Variants in IKBKE observed in about 807,000 individuals in gnomAD.
The protein encoded by IKBKE is inhibitor of nuclear factor kappa-B kinase subunit epsilon.
In IKBKE, 45 loss-of-function variants were observed where a neutral mutation model predicts 92.1. The observed-to-expected ratio is 0.49, with a 90% CI of 0.38 to 0.63. The LOEUF (loss-of-function observed/expected upper bound fraction) is 0.63, where lower values mean the gene tolerates loss of function less well. Among genes scored for constraint, IKBKE ranks in the 20% least tolerant of loss-of-function variants. IKBKE has a pLI of 0.00. For missense variants in IKBKE, 700 were observed against 932.8 expected (o/e 0.75, Z 3.25); for synonymous variants, 374 against 380.3 (o/e 0.98, Z 0.19).
At chr1:206,482,763 G>A (rs932919450) in intron 13 of IKBKE, among the ~76,000 whole-genome samples, 3 of 152,158 alleles carry the variant, frequency 2.0e-5, no homozygotes, top group African/African-American at 4.8e-5. Context: ...TGATCTCTGC[G>A]GCCTCCCAGC....
Position 206,492,874 on chromosome 1 carries a change from G to A in IKBKE, c.1836-149G>A, listed in dbSNP as rs1297221847. 4.1e-6 allele frequency: 3 copies of A among 736,822 alleles called. No individual in the cohort carries two copies. In the African/African-American group the frequency reaches 5.2e-5, roughly 13 times the overall value. The allele number at this position is 736,822 out of a possible 1,614,324, so 45.6% of individuals were successfully genotyped here. ...TATTGCAGTGGGGCGGGCAAGCGTG[G>A]AGGGCACAGCTGGCAGGGCAGAGGC... On this transcript the variant is annotated intron_variant, in intron 18 of 21. Transcript: ENST00000581977.
chr1:206,478,733 C>T lies in IKBKE; in HGVS notation c.993-210C>T, dbSNP rs1553386166. Among the ~76,000 whole-genome samples, 1 of 152,150 alleles carries T rather than the reference C, an allele frequency of 6.6e-6. No homozygotes were observed. The highest frequency in any genetic ancestry group is 1.5e-5 in the Non-Finnish European group (1 of 68,028). On this transcript the variant is annotated intron_variant, in intron 9 of 21. Coordinates refer to ENST00000581977, the MANE Select transcript of IKBKE (RefSeq NM_014002.4). This position sits in a 1 kb window ranked among gnomAD's most constrained non-coding sequence, Gnocchi z 4.8. Reference sequence around the variant, plus strand: ...GGCTGGGTATTAGGACTCCTGGGACCTGTTCCCACTCTGTCTCCATCACTA... The same window carrying T: ...GGCTGGGTATTAGGACTCCTGGGACTTGTTCCCACTCTGTCTCCATCACTA...
chr1:206,480,723 C>A (rs1665336708), intron 13 of IKBKE, among the ~76,000 whole-genome samples, 190 bp downstream of exon 13: 1 of 152,172 alleles, frequency 6.6e-6, no homozygotes, highest in South Asian at 2.1e-4. Context: ...ATGGCTCCCC[C>A]AAAACCCAGT....
chr1:206,491,517 C>T, intron 17 of IKBKE, 131 bp from the exon 18 acceptor site: 1 of 640,400 alleles, frequency 1.6e-6, no homozygotes, highest in Admixed American at 2.2e-5. Flanking sequence ...AGAGACATAG[C>T]CCTGCTGTGG....
rs1011230272 is a variant in IKBKE, at chr1:206,490,037, G to A, written c.1694-782G>A. 1.3e-5 allele frequency among the ~76,000 whole-genome samples: 2 copies of A among 152,196 alleles called. No individual in the cohort carries two copies. The highest frequency in any genetic ancestry group is 2.9e-5 in the Non-Finnish European group (2 of 68,030). Reference sequence around the variant, plus strand: ...TGGATAAGGAGACAGGCTCAGCGAAGTGAAATCACTCGCCTAGTGCCGCCT... The same window carrying A: ...TGGATAAGGAGACAGGCTCAGCGAAATGAAATCACTCGCCTAGTGCCGCCT... On this transcript the variant is annotated intron_variant, in intron 16 of 21. Transcript: ENST00000581977. The surrounding 1 kb of genome is among the most constrained non-coding windows in gnomAD (Gnocchi z 5.2).
In IKBKE at chr1:206,478,016, C is replaced by T. The variant is rs1665164762; in HGVS notation, c.813-144C>T. On this transcript the variant is annotated intron_variant, in intron 8 of 21. Transcript: ENST00000581977. This position sits in a 1 kb window ranked among gnomAD's most constrained non-coding sequence, Gnocchi z 4.8. ...CATCTGGTTGCTGGAACGAGTTCTT[C>T]CAGCTCTTCCTCCCCAACCCACCCT... 2.4e-6 allele frequency: 2 copies of T among 830,588 alleles called. No homozygotes were observed. Among genetic ancestry groups the T allele is most frequent in the South Asian group, 3.3e-5 (2 of 60,784 alleles). The allele number at this position is 830,588 out of a possible 1,614,324, so 51.5% of individuals were successfully genotyped here.
In IKBKE at chr1:206,493,062, C is replaced by A; in HGVS notation, c.1875C>A (p.Gly625=). The A allele has an allele frequency of 6.3e-7, 1 of 1,587,914 alleles. No individual in the cohort carries two copies. Among genetic ancestry groups the A allele is most frequent in the Non-Finnish European group, 8.6e-7 (1 of 1,167,006 alleles). Residue 625 remains glycine, a synonymous_variant, in exon 19 of 22, where the codon GGC becomes GGA. Coordinates refer to ENST00000581977, the MANE Select transcript of IKBKE (RefSeq NM_014002.4). ...HETRNHLRLV[G]CSVAACNTEA... is the part of the protein sequence containing the mutation. ...CCAGGAACCACCTGCGCCTGGTTGG[C>A]TGTTCTGTGGCTGCCTGTAACACAG...
chr1:206,471,628 C>G (rs1040273471), intron 2 of IKBKE, among the ~76,000 whole-genome samples: 7 of 152,320 alleles, frequency 4.6e-5, no homozygotes, highest in Middle Eastern at 3.4e-3. Flanking sequence ...CTGCTGGCTG[C>G]CTCCAGCCTC....
In IKBKE at chr1:206,489,814, A is replaced by G. The variant is rs536058504; in HGVS notation, c.1694-1005A>G. 1.2e-4 allele frequency among the ~76,000 whole-genome samples: 19 copies of G among 152,362 alleles called. No individual in the cohort carries two copies. In the South Asian group the frequency reaches 3.9e-3, roughly 32 times the overall value. Reference sequence around the variant, plus strand: ...TAAGTAGCCCAAGTAATCTAGGTCCAGCTGCTTTTAACTATCCCATTTTAC... The same window carrying G: ...TAAGTAGCCCAAGTAATCTAGGTCCGGCTGCTTTTAACTATCCCATTTTAC... On this transcript the variant is annotated intron_variant, in intron 16 of 21. Coordinates refer to ENST00000581977, the MANE Select transcript of IKBKE (RefSeq NM_014002.4).
Position 206,493,373 on chromosome 1 carries a change from T to G in IKBKE, c.2040T>G (p.Leu680=). Residue 680 remains leucine, a synonymous_variant, in exon 20 of 22, where the codon CTT becomes CTG. Coordinates refer to ENST00000581977, the MANE Select transcript of IKBKE (RefSeq NM_014002.4). ...PYPSPTRKDL[L]LHMQELCEGM... ...CCAGCCCTACACGAAAGGACCTGCT[T>G]CTCCAGTAAGTGCTGGGGAGAAAGC... is the stretch of plus-strand genomic sequence containing the variant. The G allele has an allele frequency of 6.2e-7, 1 of 1,611,010 alleles. No homozygotes were observed. The highest frequency in any genetic ancestry group is 8.5e-7 in the Non-Finnish European group (1 of 1,177,272).
In IKBKE at chr1:206,496,471, C is replaced by T. The variant is rs547198625; in HGVS notation, c.*326C>T. ...CTGGGCCGTGGGGAGAAGAAGCTCT[C>T]ATACGCCTTCCCACTCCCTCTGGTT... On this transcript the variant is annotated 3_prime_UTR_variant, in exon 22 of 22. Transcript: ENST00000581977. 1.0e-5 allele frequency: 4 copies of T among 386,800 alleles called. No individual in the cohort carries two copies. In the Admixed American group the frequency reaches 1.7e-4, roughly 16 times the overall value. 24.0% of individuals were successfully genotyped at this position (386,800 alleles called of 1,614,324 possible). A position where few individuals can be genotyped will look rare whatever the true frequency, so the allele number is the denominator to read the frequency against.
intron 17 of IKBKE, chr1:206,491,194 C>T: frequency 2.3e-6 from 1 of 428,912 alleles, no homozygotes. Context: ...CCTCCCCCCG[C>T]TCCTCTGTCT....
rs1553391155 is a variant in IKBKE, at chr1:206,493,293, C to T, written c.1960C>T (p.Leu654Phe). ...CCTGGAAGAGCTATCTCACCAGCTC[C>T]TTCAGGACCGAGCAAAGGGGGCTCA... Reference protein sequence around the residue: ...KLLEELSHQLLQDRAKGAQAS... With the variant: ...KLLEELSHQLFQDRAKGAQAS... The change falls in exon 20 of 22, where the codon CTT (leucine) becomes TTT (phenylalanine). Residue 654 changes from leucine (L) to phenylalanine (F), a missense_variant. By Grantham distance (22) the Leu-to-Phe change is conservative (BLOSUM62 0). Transcript: ENST00000581977. 1 of 1,614,096 alleles carries T rather than the reference C, an allele frequency of 6.2e-7. No homozygotes were observed. Among genetic ancestry groups the T allele is most frequent in the Non-Finnish European group, 8.5e-7 (1 of 1,179,986 alleles).
At position 206,478,418 on chromosome 1, in the gene IKBKE, A is replaced by G; in HGVS notation, c.992+79A>G. The G allele has an allele frequency of 7.1e-7, 1 of 1,401,910 alleles. No individual in the cohort carries two copies. Among genetic ancestry groups the G allele is most frequent in the South Asian group, 1.2e-5 (1 of 83,508 alleles). 86.8% of individuals were successfully genotyped at this position (1,401,910 alleles called of 1,614,324 possible). On this transcript the variant is annotated intron_variant, in intron 9 of 21. Coordinates refer to ENST00000581977, the MANE Select transcript of IKBKE (RefSeq NM_014002.4). The surrounding 1 kb of genome is among the most constrained non-coding windows in gnomAD (Gnocchi z 4.8). ...GTGCATGTCCAAAGCAGCATCTCCC[A>G]CAGTACGTTCTGAGGAGTGTGTACA...
Position 206,478,434 on chromosome 1 carries a change from AGT to A in IKBKE, c.992+100_992+101del. ...GCATCTCCCACAGTACGTTCTGAGG[AGT>A]GTGTACATAGGAACGCTTCCAGGTC... On this transcript the variant is annotated intron_variant, in intron 9 of 21. Transcript: ENST00000581977. This position sits in a 1 kb window ranked among gnomAD's most constrained non-coding sequence, Gnocchi z 4.8. 1 of 1,270,938 alleles carries A rather than the reference AGT, an allele frequency of 7.9e-7. No homozygotes were observed. The highest frequency in any genetic ancestry group is 1.1e-6 in the Non-Finnish European group (1 of 891,918). 78.7% of individuals were successfully genotyped at this position (1,270,938 alleles called of 1,614,324 possible).
intron 2 of IKBKE, chr1:206,472,734 T>C: frequency 4.7e-6 from 1 of 210,720 alleles, no homozygotes; most frequent in Non-Finnish European, 9.5e-6. Flanking sequence ...GGACTCATGT[T>C]GCAATCCTGG....
Position 206,490,751 on chromosome 1 carries a change from G to A in IKBKE, c.1694-68G>A, listed in dbSNP as rs1665905293. On this transcript the variant is annotated intron_variant, in intron 16 of 21. Coordinates refer to ENST00000581977, the MANE Select transcript of IKBKE (RefSeq NM_014002.4). This position sits in a 1 kb window ranked among gnomAD's most constrained non-coding sequence, Gnocchi z 5.2. ...CGTCTTCATCTTTTAACTGTCTCTC[G>A]ACCTTTGCTGCACACTGTTTCGTTG... The A allele has an allele frequency of 2.6e-6, 4 of 1,514,484 alleles. No individual in the cohort carries two copies. Among genetic ancestry groups the A allele is most frequent in the Non-Finnish European group, 9.2e-7 (1 of 1,089,486 alleles). The allele number at this position is 1,514,484 out of a possible 1,614,324, so 93.8% of individuals were successfully genotyped here.
At position 206,478,883 on chromosome 1, in the gene IKBKE, GC is replaced by G; in HGVS notation, c.993-55del. The G allele has an allele frequency of 2.3e-6, 3 of 1,299,292 alleles. No homozygotes were observed. Among genetic ancestry groups the G allele is most frequent in the Non-Finnish European group, 3.4e-6 (3 of 894,248 alleles). 80.5% of individuals were successfully genotyped at this position (1,299,292 alleles called of 1,614,324 possible). ...CTTAGCTGGGGCTTAGGTCACCCTAGCCCCCTGCCTTGCCTACTGACACCCC... is the reference window on the plus strand; with the variant it reads ...CTTAGCTGGGGCTTAGGTCACCCTAGCCCCTGCCTTGCCTACTGACACCCC... On this transcript the variant is annotated intron_variant, in intron 9 of 21. Coordinates refer to ENST00000581977, the MANE Select transcript of IKBKE (RefSeq NM_014002.4). The surrounding 1 kb of genome is among the most constrained non-coding windows in gnomAD (Gnocchi z 4.8).
At chr1:206,472,139 T>G (rs566798515) in intron 2 of IKBKE, among the ~76,000 whole-genome samples, 1 of 152,100 alleles carries the variant, frequency 6.6e-6, no homozygotes, top group South Asian at 2.1e-4. Flanking sequence ...GGTCCTAAGC[T>G]CCTCAGGAGG....
Sources: gnomAD v4.1 joint callset for allele counts (sites outside exome capture counted in the v4.1 genomes callset) on GRCh38, gnomAD v4.1.1 for gene constraint, Gnocchi (gnomAD v3.1) non-coding constraint, MANE v1.5 for transcripts, NCBI Gene and HGNC (gene_info 2026-07-23, HGNC 2026-07-21) for gene names.